CPHXL2: variants seen among roughly 807,000 people sequenced by gnomAD.
CPHXL2 encodes the protein cytoplasmic polyadenylated homeobox like 2.
At chr16:75,673,261 C>G in the CPHXL2 span, among the ~76,000 whole-genome samples, 1 of 151,818 alleles carries the variant, frequency 6.6e-6, no homozygotes, top group Non-Finnish European at 1.5e-5. Context: ...ATGTTGAAAC[C>G]TCTTCTCTAC....
the CPHXL2 span, among the ~76,000 whole-genome samples, chr16:75,663,792 A>C: frequency 6.7e-6 from 1 of 149,932 alleles, no homozygotes; most frequent in Non-Finnish European, 1.5e-5. Flanking sequence ...AGGCTGAGGC[A>C]GGAGAATGGC....
chr16:75,675,157 C>G, the CPHXL2 span, among the ~76,000 whole-genome samples: 1 of 150,104 alleles, frequency 6.7e-6, no homozygotes, highest in South Asian at 2.1e-4. Flanking sequence ...CCACTGCACT[C>G]CAGGCTGGGT....
the CPHXL2 span, among the ~76,000 whole-genome samples, chr16:75,667,943 T>A: frequency 1.1e-4 from 17 of 152,118 alleles, no homozygotes; most frequent in Non-Finnish European, 4.4e-5. Flanking sequence ...TCACAGCATA[T>A]CCCACACATA....
the CPHXL2 span, among the ~76,000 whole-genome samples, chr16:75,672,690 G>C: frequency 6.6e-6 from 1 of 152,166 alleles, no homozygotes; most frequent in East Asian, 1.9e-4. Context: ...TCACCATGTT[G>C]ACCAGGCTGG....
the CPHXL2 span, among the ~76,000 whole-genome samples, chr16:75,674,305 G>A: frequency 4.1e-5 from 6 of 147,472 alleles, no homozygotes; most frequent in East Asian, 6.0e-4. Flanking sequence ...CCCGGGAGGC[G>A]GAGCTTGCAG....
chr16:75,671,253 G>A, the CPHXL2 span, among the ~76,000 whole-genome samples: 3 of 152,024 alleles, frequency 2.0e-5, no homozygotes, highest in East Asian at 3.9e-4. Context: ...CCAGCTATTC[G>A]GGAGGTTGAG....
the CPHXL2 span, among the ~76,000 whole-genome samples, chr16:75,668,643 G>A: frequency 6.6e-6 from 1 of 152,122 alleles, no homozygotes; most frequent in Non-Finnish European, 1.5e-5. Flanking sequence ...CATATATGCT[G>A]GGCATGTCCT....
At chr16:75,673,532 G>C in the CPHXL2 span, among the ~76,000 whole-genome samples, 1 of 152,014 alleles carries the variant, frequency 6.6e-6, no homozygotes, top group Admixed American at 6.6e-5. Flanking sequence ...TCCTAGGTCT[G>C]TCTACCTGAA....
the CPHXL2 span, among the ~76,000 whole-genome samples, chr16:75,666,087 A>G: frequency 2.6e-5 from 4 of 152,334 alleles, no homozygotes; most frequent in East Asian, 5.8e-4. Context: ...GGGGTGAAAA[A>G]GGACATCCAT....
the CPHXL2 span, chr16:75,660,790 C>T: frequency 2.5e-6 from 1 of 398,516 alleles, no homozygotes; most frequent in Non-Finnish European, 4.4e-6. Context: ...AGGCATTCTG[C>T]AGAGTTGTAG....
the CPHXL2 span, among the ~76,000 whole-genome samples, chr16:75,662,474 A>G: frequency 6.6e-6 from 1 of 152,004 alleles, no homozygotes; most frequent in African/African-American, 2.4e-5. Context: ...CCAACCCTCT[A>G]ATCCTGCTTG....
the CPHXL2 span, among the ~76,000 whole-genome samples, chr16:75,664,329 T>C: frequency 6.6e-6 from 1 of 152,164 alleles, no homozygotes; most frequent in Non-Finnish European, 1.5e-5. Context: ...TTTTGTTTTA[T>C]AAAACTGTAT....
the CPHXL2 span, among the ~76,000 whole-genome samples, chr16:75,663,555 A>G: frequency 6.6e-6 from 1 of 152,126 alleles, no homozygotes. Context: ...TTCTTTTGGG[A>G]TTACTGATAA....
the CPHXL2 span, among the ~76,000 whole-genome samples, chr16:75,676,326 C>T: frequency 6.6e-6 from 1 of 151,874 alleles, no homozygotes; most frequent in Non-Finnish European, 1.5e-5. Flanking sequence ...ATACCTGGGA[C>T]ATTTTTGTTT....
the CPHXL2 span, among the ~76,000 whole-genome samples, chr16:75,673,141 T>G: frequency 2.7e-5 from 4 of 149,260 alleles, no homozygotes; most frequent in African/African-American, 9.9e-5. Context: ...GTGTAGTCAA[T>G]TCTGATTTGG....
chr16:75,668,642 T>C, the CPHXL2 span, among the ~76,000 whole-genome samples: 1 of 152,252 alleles, frequency 6.6e-6, no homozygotes, highest in Non-Finnish European at 1.5e-5. Flanking sequence ...GCATATATGC[T>C]GGGCATGTCC....
At chr16:75,661,638 C>G in the CPHXL2 span, among the ~76,000 whole-genome samples, 2 of 151,938 alleles carry the variant, frequency 1.3e-5, no homozygotes, top group Non-Finnish European at 2.9e-5. Flanking sequence ...TGGATTGTTC[C>G]TACAACCCTG....
chr16:75,676,414 C>T, the CPHXL2 span, among the ~76,000 whole-genome samples: 1 of 152,200 alleles, frequency 6.6e-6, no homozygotes, highest in African/African-American at 2.4e-5. Flanking sequence ...GTTTCTAACT[C>T]TTGGGCTCAG....
the CPHXL2 span, among the ~76,000 whole-genome samples, chr16:75,670,956 G>A: frequency 6.6e-6 from 1 of 151,914 alleles, no homozygotes; most frequent in African/African-American, 2.4e-5. Context: ...TCTCCACTCG[G>A]GCTATTCTCT....
Sources: gnomAD v4.1 joint callset for allele counts (sites outside exome capture counted in the v4.1 genomes callset) on GRCh38, gnomAD v4.1.1 for gene constraint, MANE v1.5 for transcripts, NCBI Gene and HGNC (gene_info 2026-07-23, HGNC 2026-07-21) for gene names.